Variants in CELF1 observed in about 807,000 individuals in gnomAD.
CELF1 encodes CUGBP Elav-like family member 1.
Under a neutral mutation model 61.8 loss-of-function variants are expected in CELF1, and 10 were observed. The observed-to-expected ratio is 0.16, with a 90% CI of 0.10 to 0.27. The LOEUF (loss-of-function observed/expected upper bound fraction) is 0.27, where lower values mean the gene tolerates loss of function less well. CELF1 is among the 10% of genes least tolerant of loss of function. The pLI is 1.00. For missense variants in CELF1, 380 were observed against 639.1 expected, an observed-to-expected ratio of 0.59 and a Z score of 4.37; for synonymous variants, 236 against 225.1, an observed-to-expected ratio of 1.05 and a Z score of -0.43.
chr11:47,484,734 A>G (rs11821273), intron 6 of CELF1, among the ~76,000 whole-genome samples: 31,306 of 152,112 alleles, frequency 0.21, 3,753 homozygotes, highest in East Asian at 0.3. Flanking sequence ...GCTGGAGTGT[A>G]ATGGCGCGAT....
At chr11:47,487,922 A>G (rs1226487790) in intron 4 of CELF1, among the ~76,000 whole-genome samples, 1 of 152,186 alleles carries the variant, frequency 6.6e-6, no homozygotes, top group African/African-American at 2.4e-5. Context: ...ACACTCCCAT[A>G]TTCTCATGAG....
At chr11:47,565,404 T>C (rs2097241822) in exon 1 of CELF1, 2 of 321,450 alleles carry the variant, frequency 6.2e-6, no homozygotes, top group Non-Finnish European at 1.1e-5. Flanking sequence ...GGTCCCAGTT[T>C]CCCGCCCAGG....
chr11:47,486,875 AGAACTAGAGCTT>A (rs1274554855), intron 5 of CELF1, 77 bp from the exon 6 acceptor site: 2 of 1,117,898 alleles, frequency 1.8e-6, no homozygotes, highest in East Asian at 2.4e-5. Flanking sequence ...CTAAAATACC[AGAACTAGAGCTT>A]TAAAGAGTTC....
At chr11:47,521,165 TGGCGTGAACCTGGGA>T (rs1382503409) in intron 1 of CELF1, among the ~76,000 whole-genome samples, 1 of 151,750 alleles carries the variant, frequency 6.6e-6, no homozygotes, top group East Asian at 2.0e-4. Context: ...GGCAGGAGAA[TGGCGTGAACCTGGGA>T]GGCGGAGTTT....
intron 1 of CELF1, among the ~76,000 whole-genome samples, chr11:47,511,275 A>C (rs2095136816): frequency 6.6e-6 from 1 of 152,186 alleles, no homozygotes; most frequent in East Asian, 1.9e-4. Flanking sequence ...CCTAAACATG[A>C]AAGTCAGGCT....
intron 1 of CELF1, among the ~76,000 whole-genome samples, chr11:47,503,131 G>C (rs1472944113): frequency 6.6e-6 from 1 of 152,152 alleles, no homozygotes; most frequent in African/African-American, 2.4e-5. Context: ...GTAACATTAA[G>C]AACCCAAATC....
chr11:47,519,266 G>A (rs2095730453), intron 1 of CELF1, among the ~76,000 whole-genome samples: 1 of 151,916 alleles, frequency 6.6e-6, no homozygotes. Flanking sequence ...GATCACTTGA[G>A]GTCAGAGTTC....
rs1442222431 is a variant in CELF1, at chr11:47,468,522, A to G, written c.*3708T>C. On this transcript the variant is annotated 3_prime_UTR_variant, in exon 15 of 15. Coordinates refer to ENST00000687097, the MANE Select transcript of CELF1 (RefSeq NM_001376376.1). ...CACAGAAATACAAACACCACGCGGT[A>G]TGTGCTAGTAGGGCTGCTCTGAAGA... 6.5e-6 allele frequency: 1 copy of G among 152,680 alleles called. No individual in the cohort carries two copies. The highest frequency in any genetic ancestry group is 1.5e-5 in the Non-Finnish European group (1 of 68,050). 9.5% of individuals were successfully genotyped at this position (152,680 alleles called of 1,614,324 possible).
At chr11:47,550,058 G>T (rs568649149) in intron 1 of CELF1, among the ~76,000 whole-genome samples, 7 of 151,558 alleles carry the variant, frequency 4.6e-5, no homozygotes, top group Non-Finnish European at 7.4e-5. Context: ...CTCGTGATCC[G>T]CCCACCTCAG....
chr11:47,556,822 A>C (rs1465336367), upstream of CELF1, among the ~76,000 whole-genome samples: 1 of 152,232 alleles, frequency 6.6e-6, no homozygotes, highest in Non-Finnish European at 1.5e-5. Flanking sequence ...TCCAGGTTGC[A>C]GTGAGCTATG....
At chr11:47,488,680 G>C (rs1414505568) in intron 4 of CELF1, among the ~76,000 whole-genome samples, 157 bp downstream of exon 4, 1 of 152,162 alleles carries the variant, frequency 6.6e-6, no homozygotes, top group Non-Finnish European at 1.5e-5. Context: ...CCAATAGACA[G>C]ACAGACAGGA....
chr11:47,559,622 A>G (rs2097219517), intron 2 of CELF1, among the ~76,000 whole-genome samples: 1 of 152,076 alleles, frequency 6.6e-6, no homozygotes, highest in African/African-American at 2.4e-5. Context: ...GAACCATGGC[A>G]CCCGGCCTAT....
intron 1 of CELF1, among the ~76,000 whole-genome samples, chr11:47,537,565 CATA>C (rs2096661683): frequency 6.6e-6 from 1 of 152,050 alleles, no homozygotes; most frequent in Non-Finnish European, 1.5e-5. Flanking sequence ...AAACCTTAAC[CATA>C]ATGTCTTTTG....
In CELF1 at chr11:47,563,901, A is replaced by C. The variant is rs535606117; in HGVS notation, c.-11+450T>G. On this transcript the variant is annotated intron_variant, in intron 2 of 3. Transcript: ENST00000525841. ...CTGGGCGTGGTGGCAGCTACTCGGG[A>C]GGCTGAGGCAGGAGAATTGCTTGAA... Among the ~76,000 whole-genome samples, 226 of 151,938 alleles carry C rather than the reference A, an allele frequency of 1.5e-3. 1 individual carries two copies. The highest frequency in any genetic ancestry group is 1.6e-3 in the Non-Finnish European group (112 of 67,970).
intron 2 of CELF1, among the ~76,000 whole-genome samples, chr11:47,563,457 G>A (rs977168629): frequency 1.1e-4 from 16 of 152,074 alleles, no homozygotes; most frequent in African/African-American, 3.9e-4. Flanking sequence ...AGACCAAGGC[G>A]GGTGGAACAC....
intron 12 of CELF1, 57 bp from the exon 13 acceptor site, chr11:47,475,578 A>G (rs1565743715): frequency 3.2e-6 from 5 of 1,563,296 alleles, no homozygotes; most frequent in East Asian, 4.5e-5. Flanking sequence ...GATGCCAAAG[A>G]CAAGTCTACT....
chr11:47,487,377 A>G (rs1466830818), intron 4 of CELF1, 136 bp from the exon 5 acceptor site: 1 of 615,240 alleles, frequency 1.6e-6, no homozygotes, highest in African/African-American at 1.9e-5. Context: ...AGGGTAGTGG[A>G]AAAGAACGAA....
intron 1 of CELF1, among the ~76,000 whole-genome samples, chr11:47,519,653 C>T (rs1271974277): frequency 6.6e-6 from 1 of 152,018 alleles, no homozygotes; most frequent in Non-Finnish European, 1.5e-5. Flanking sequence ...GGGTGGATCA[C>T]AAGGTCAGGA....
rs1003553911 is a variant in CELF1, at chr11:47,477,605, T to A, written c.845-180A>T. ...ATTCATGTATCACTCATTAAGAAAC[T>A]TGAAATCATTTCCTCAGAGAAGAGA... On this transcript the variant is annotated intron_variant, in intron 10 of 14. Coordinates refer to ENST00000687097, the MANE Select transcript of CELF1 (RefSeq NM_001376376.1). 3 of 550,960 alleles carry A rather than the reference T, an allele frequency of 5.4e-6. No individual in the cohort carries two copies. The African/African-American group carries it at 5.6e-5, about 10-fold the overall frequency. 34.1% of individuals were successfully genotyped at this position (550,960 alleles called of 1,614,324 possible). A position where few individuals can be genotyped will look rare whatever the true frequency, so the allele number is the denominator to read the frequency against.
Sources: gnomAD v4.1 joint callset for allele counts (sites outside exome capture counted in the v4.1 genomes callset) on GRCh38, gnomAD v4.1.1 for gene constraint, MANE v1.5 for transcripts, NCBI Gene and HGNC (gene_info 2026-07-23, HGNC 2026-07-21) for gene names.